Variants in OGA observed in about 807,000 individuals in gnomAD.
The protein encoded by OGA is O-GlcNAcase.
In OGA, 21 loss-of-function variants were observed where a neutral mutation model predicts 102.0. The ratio of observed to expected loss-of-function variants is 0.21; its 90% CI spans 0.15 to 0.30. The LOEUF is 0.30. OGA is among the 10% of genes least tolerant of loss of function. The pLI is 1.00. For synonymous variants in OGA, 408 were observed against 378.2 expected (o/e 1.08, Z -0.91); for missense variants, 765 against 1,107.8 (o/e 0.69, Z 4.39).
At position 101,798,920 on chromosome 10, in the gene OGA, C is replaced by G; in HGVS notation, c.1731G>C (p.Gln577His). ...GAAGCCATTGAAATTCCCGTAACAT[C>G]TGTGCTCCTTTGGGTCCATGCTCGT... ...LPYEHGPKGA[Q>H]MLREFQWLRA... Residue 577 changes from glutamine (Q) to histidine (H), a missense_variant, in exon 9 of 16, where the codon CAG (glutamine) becomes CAC (histidine). Transcript: ENST00000361464. The G allele has an allele frequency of 5.0e-6, 8 of 1,614,158 alleles. No individual in the cohort carries two copies. The highest frequency in any genetic ancestry group is 6.8e-6 in the Non-Finnish European group (8 of 1,180,014).
intron 10 of OGA, among the ~76,000 whole-genome samples, chr10:101,794,863 CAAGATA>C (rs1409890664): frequency 6.6e-6 from 1 of 152,166 alleles, no homozygotes; most frequent in Non-Finnish European, 1.5e-5. Flanking sequence ...AGTCTTCTGA[CAAGATA>C]AAGCAGCGCA....
intron 12 of OGA, among the ~76,000 whole-genome samples, chr10:101,792,244 G>A (rs1227065760): frequency 3.9e-5 from 6 of 151,982 alleles, no homozygotes; most frequent in African/African-American, 1.2e-4. Context: ...TCCTGACCTC[G>A]TGATCCGCCT....
At chr10:101,786,624 C>A in intron 15 of OGA, 37 bp from the exon 16 acceptor site, 2 of 1,487,372 alleles carry the variant, frequency 1.3e-6, no homozygotes, top group South Asian at 1.4e-5. Flanking sequence ...ATAAATAAGT[C>A]ACTTAATTAG....
intron 10 of OGA, 46 bp downstream of exon 10, chr10:101,797,934 A>G (rs1263121686): frequency 6.4e-6 from 10 of 1,565,550 alleles, no homozygotes; most frequent in Non-Finnish European, 8.8e-6. Flanking sequence ...TTTTTTTTAA[A>G]GGGACAATAT....
intron 2 of OGA, 149 bp from the exon 3 acceptor site, chr10:101,813,276 T>A (rs2065581757): frequency 3.2e-6 from 2 of 627,130 alleles, no homozygotes; most frequent in South Asian, 4.3e-5. Flanking sequence ...CAGTGGAATT[T>A]AAAAAAATTA....
intron 10 of OGA, 61 bp from the exon 11 acceptor site, chr10:101,794,059 A>G: frequency 8.2e-7 from 1 of 1,221,288 alleles, no homozygotes. Flanking sequence ...GGGGTCTCAA[A>G]TGTCCAACAA....
At position 101,818,377 on chromosome 10, in the gene OGA, T is replaced by C. The variant is rs2065671314; in HGVS notation, c.-355A>G. On this transcript the variant is annotated 5_prime_UTR_variant, in exon 1 of 16. Transcript: ENST00000361464. ...CTCCCGATAATCTTAGGTCTTCCGCTGTTTCCCCTCCAAGCCCCGAGCTCT... is the reference window on the plus strand; with the variant it reads ...CTCCCGATAATCTTAGGTCTTCCGCCGTTTCCCCTCCAAGCCCCGAGCTCT... 1.9e-6 allele frequency: 2 copies of C among 1,050,560 alleles called. No individual in the cohort carries two copies. Among genetic ancestry groups the C allele is most frequent in the Non-Finnish European group, 2.3e-6 (2 of 870,908 alleles). 65.1% of individuals were successfully genotyped at this position (1,050,560 alleles called of 1,614,324 possible).
intron 4 of OGA, among the ~76,000 whole-genome samples, chr10:101,809,436 C>T (rs926309068): frequency 6.6e-6 from 1 of 152,176 alleles, no homozygotes; most frequent in Non-Finnish European, 1.5e-5. Flanking sequence ...GGATTCAAGG[C>T]TGGGTGCACT....
In OGA at chr10:101,792,390, C is replaced by T. The variant is rs990492731; in HGVS notation, c.2175+449G>A. On this transcript the variant is annotated intron_variant, in intron 12 of 15. Transcript: ENST00000361464. Reference sequence around the variant, plus strand: ...TCCTGACCTCAGGTGATTTGCCCACCTCGGCCTCCCAAAGTACTGGGATTA... The same window carrying T: ...TCCTGACCTCAGGTGATTTGCCCACTTCGGCCTCCCAAAGTACTGGGATTA... Among the ~76,000 whole-genome samples the T allele has an allele frequency of 4.6e-5, 7 of 152,198 alleles. No individual in the cohort carries two copies. In the South Asian group the frequency reaches 1.4e-3, roughly 31 times the overall value.
chr10:101,817,703 G>A (rs985881415), intron 1 of OGA, 121 bp downstream of exon 1: 4 of 1,114,100 alleles, frequency 3.6e-6, no homozygotes, highest in South Asian at 1.6e-5. Flanking sequence ...GCTTTAGGAG[G>A]GCCACATTTC....
intron 4 of OGA, 151 bp from the exon 5 acceptor site, chr10:101,808,052 G>C (rs535459421): frequency 6.8e-6 from 5 of 738,272 alleles, no homozygotes; most frequent in Admixed American, 4.1e-5. Context: ...TTAAAAAATC[G>C]TAAGTTAAAC....
Position 101,786,301 on chromosome 10 carries a change from G to A in OGA, c.*150C>T. The A allele has an allele frequency of 4.2e-6, 3 of 720,234 alleles. No individual in the cohort carries two copies. Among genetic ancestry groups the A allele is most frequent in the Non-Finnish European group, 6.2e-6 (3 of 483,448 alleles). The allele number at this position is 720,234 out of a possible 1,614,324, so 44.6% of individuals were successfully genotyped here. A position where few individuals can be genotyped will look rare whatever the true frequency, so the allele number is the denominator to read the frequency against. On this transcript the variant is annotated 3_prime_UTR_variant, in exon 16 of 16. Transcript: ENST00000361464. ...TCCAACCAGTGAGTAGTCTCAAAGT[G>A]TGATGGGTGAGTTTTACATAGTCTT...
chr10:101,788,936 A>T (rs1315127130), intron 14 of OGA, among the ~76,000 whole-genome samples: 1 of 152,244 alleles, frequency 6.6e-6, no homozygotes, highest in Non-Finnish European at 1.5e-5. Context: ...ACTTTTCTGT[A>T]AATCTAAAAT....
At chr10:101,793,209 AAAAC>A (rs1257246781) in intron 11 of OGA, among the ~76,000 whole-genome samples, 1 of 152,214 alleles carries the variant, frequency 6.6e-6, no homozygotes, top group East Asian at 1.9e-4. Context: ...AACAAAAACA[AAAAC>A]AAACCTATTC....
intron 7 of OGA, among the ~76,000 whole-genome samples, chr10:101,803,463 C>CAA (rs891830325): frequency 2.5e-5 from 3 of 119,018 alleles, no homozygotes; most frequent in African/African-American, 3.2e-5. Flanking sequence ...AAAAAAAAAA[C>CAA]AAAAAAAAAA....
chr10:101,814,672 T>C (rs1589842652), intron 1 of OGA, among the ~76,000 whole-genome samples: 1 of 152,264 alleles, frequency 6.6e-6, no homozygotes, highest in South Asian at 2.1e-4. Flanking sequence ...TTCAACAGCC[T>C]AACTGGCCCA....
chr10:101,817,688 C>T, intron 1 of OGA, 136 bp downstream of exon 1: 3 of 984,946 alleles, frequency 3.0e-6, no homozygotes, highest in Non-Finnish European at 4.4e-6. Flanking sequence ...CTCGTCTCTC[C>T]CCTCGCTTTA....
At position 101,793,781 on chromosome 10, in the gene OGA, G is replaced by A. The variant is rs1035160191; in HGVS notation, c.2070+132C>T. The A allele has an allele frequency of 6.2e-6, 4 of 650,238 alleles. No homozygotes were observed. In the Admixed American group the frequency reaches 7.9e-5, roughly 13 times the overall value. The allele number at this position is 650,238 out of a possible 1,614,324, so 40.3% of individuals were successfully genotyped here. A position where few individuals can be genotyped will look rare whatever the true frequency, so the allele number is the denominator to read the frequency against. ...GAGGAAAATTTGATTTAAAAATCCAGCTATGTAACTAAATTGAATTTGGGA... is the reference window on the plus strand; with the variant it reads ...GAGGAAAATTTGATTTAAAAATCCAACTATGTAACTAAATTGAATTTGGGA... On this transcript the variant is annotated intron_variant, in intron 11 of 15. Transcript: ENST00000361464.
chr10:101,814,066 G>A (rs1589842218), intron 1 of OGA, among the ~76,000 whole-genome samples: 2 of 150,406 alleles, frequency 1.3e-5, no homozygotes, highest in South Asian at 2.1e-4. Flanking sequence ...GGTGACCCAC[G>A]CCTGTAATCC....
Sources: gnomAD v4.1 joint callset for allele counts (sites outside exome capture counted in the v4.1 genomes callset) on GRCh38, gnomAD v4.1.1 for gene constraint, MANE v1.5 for transcripts, NCBI Gene and HGNC (gene_info 2026-07-23, HGNC 2026-07-21) for gene names.